The following SMAD9 variants were observed in gnomAD, a reference collection of about 807,000 sequenced individuals.
SMAD9 encodes the protein SMAD family member 9.
SMAD9 carries 36 observed loss-of-function variants against 46.1 expected under a neutral mutation model. The ratio of observed to expected loss-of-function variants is 0.78; its 90% CI spans 0.60 to 1.03. The LOEUF is 1.03. Among genes scored for constraint, SMAD9 ranks in the 50% least tolerant of loss-of-function variants. The pLI is 0.00. For synonymous variants in SMAD9, 245 were observed against 237.1 expected (o/e 1.03, Z -0.31); for missense variants, 572 against 599.8 (o/e 0.95, Z 0.48).
At chr13:36,917,825 G>A (rs536558470) in intron 1 of SMAD9, among the ~76,000 whole-genome samples, 8 of 152,268 alleles carry the variant, frequency 5.3e-5, no homozygotes, top group African/African-American at 1.9e-4. Flanking sequence ...GCTCACTTAC[G>A]AAACACCATC....
intron 1 of SMAD9, among the ~76,000 whole-genome samples, chr13:36,885,720 TC>T (rs1275927402): frequency 6.6e-6 from 1 of 151,730 alleles, no homozygotes; most frequent in Non-Finnish European, 1.5e-5. Flanking sequence ...GTAGAGAGAT[TC>T]CAAGGCATCT....
At chr13:36,884,802 G>T (rs2058431495) in intron 1 of SMAD9, among the ~76,000 whole-genome samples, 1 of 152,146 alleles carries the variant, frequency 6.6e-6, no homozygotes, top group African/African-American at 2.4e-5. Flanking sequence ...GTTTGAGATG[G>T]AGCATTCCTA....
chr13:36,881,040 C>T (rs1356452383), intron 1 of SMAD9, among the ~76,000 whole-genome samples: 1 of 152,184 alleles, frequency 6.6e-6, no homozygotes, highest in East Asian at 1.9e-4. Context: ...TACACTATCA[C>T]ACACCAATAC....
At chr13:36,909,203 C>G (rs958223098) in intron 1 of SMAD9, among the ~76,000 whole-genome samples, 3 of 152,178 alleles carry the variant, frequency 2.0e-5, no homozygotes, top group Non-Finnish European at 2.9e-5. Flanking sequence ...GACAGAACCA[C>G]TATTCCATTG....
chr13:36,897,753 A>T (rs549278526), intron 1 of SMAD9, among the ~76,000 whole-genome samples: 1 of 151,884 alleles, frequency 6.6e-6, no homozygotes, highest in Non-Finnish European at 1.5e-5. Flanking sequence ...ATTTTCAGTT[A>T]TAATTGCTCA....
intron 1 of SMAD9, among the ~76,000 whole-genome samples, chr13:36,888,616 C>CA (rs1295564272): frequency 6.6e-6 from 1 of 152,040 alleles, no homozygotes; most frequent in African/African-American, 2.4e-5. Context: ...ATAACAGATG[C>CA]AAAAATATCA....
chr13:36,906,168 A>G (rs1259384883), intron 1 of SMAD9, among the ~76,000 whole-genome samples: 1 of 152,204 alleles, frequency 6.6e-6, no homozygotes, highest in Non-Finnish European at 1.5e-5. Flanking sequence ...TGTGTCATTG[A>G]ATGTTATATC....
chr13:36,907,785 C>T (rs10507443), intron 1 of SMAD9, among the ~76,000 whole-genome samples: 6,744 of 152,274 alleles, frequency 0.044, 359 homozygotes, highest in East Asian at 0.18. Context: ...TCACTACCTT[C>T]AAGGGATTTT....
intron 1 of SMAD9, among the ~76,000 whole-genome samples, chr13:36,901,979 G>T (rs1009730151): frequency 6.6e-6 from 1 of 152,020 alleles, no homozygotes; most frequent in Non-Finnish European, 1.5e-5. Flanking sequence ...TATGTCATTT[G>T]ATGCATGCAA....
rs574741770 is a variant in SMAD9, at chr13:36,897,849, CT to C, written c.-186-17975del. Among the ~76,000 whole-genome samples the C allele has an allele frequency of 9.9e-3, 893 of 90,012 alleles. 3 individuals carry two copies. Among genetic ancestry groups the C allele is most frequent in the East Asian group, 0.024 (67 of 2,824 alleles). The allele number at this position is 90,012 out of a possible 152,430, so 59.1% of individuals were successfully genotyped here. On this transcript the variant is annotated intron_variant, in intron 1 of 6. Transcript: ENST00000379826. ...CCAAGGTAACAGAAATGTCCTGTGT[CT>C]TTTTTTTTTTTTTTTTTTTTTTTTG...
chr13:36,914,641 T>G (rs1043596151), intron 1 of SMAD9, among the ~76,000 whole-genome samples: 1 of 152,242 alleles, frequency 6.6e-6, no homozygotes, highest in African/African-American at 2.4e-5. Context: ...GATGAATTCA[T>G]GAACTTATGA....
intron 1 of SMAD9, among the ~76,000 whole-genome samples, chr13:36,910,864 T>A (rs2058655667): frequency 6.6e-6 from 1 of 152,236 alleles, no homozygotes; most frequent in African/African-American, 2.4e-5. Context: ...TCTCCAGAGA[T>A]GCCTAGCCTT....
chr13:36,918,457 C>T (rs9531995), intron 1 of SMAD9, among the ~76,000 whole-genome samples: 13,562 of 152,264 alleles, frequency 0.089, 809 homozygotes, highest in Non-Finnish European at 0.13. Flanking sequence ...AGGCCGAAGG[C>T]TGTCTGGCAG....
intron 1 of SMAD9, 63 bp from the exon 2 acceptor site, chr13:36,879,938 T>TTAA: frequency 1.9e-6 from 1 of 540,518 alleles, no homozygotes. Flanking sequence ...AAGTTGAAGT[T>TTAA]GGATAGAAAG....
At position 36,865,569 on chromosome 13, in the gene SMAD9, G is replaced by A. The variant is rs752874017; in HGVS notation, c.971C>T (p.Thr324Met). Reference sequence around the variant, plus strand: ...TATATGTCTCCTGGTATTTTCTATCGTTGAGTTTCTGTTTACATTAGAAAG... The same window carrying A: ...TATATGTCTCCTGGTATTTTCTATCATTGAGTTTCTGTTTACATTAGAAAG... ...GLLSNVNRNSTIENTRRHIGK... is the reference protein window; with the variant it reads ...GLLSNVNRNSMIENTRRHIGK... The change falls in exon 5 of 7, where the codon ACG (threonine) becomes ATG (methionine). Residue 324 changes from threonine to methionine, a missense_variant. Transcript: ENST00000379826. 6.4e-5 allele frequency: 103 copies of A among 1,613,710 alleles called. No individual in the cohort carries two copies. The highest frequency in any genetic ancestry group is 8.3e-5 in the Non-Finnish European group (98 of 1,179,828).
At chr13:36,886,291 G>A (rs2058443961) in intron 1 of SMAD9, among the ~76,000 whole-genome samples, 1 of 152,230 alleles carries the variant, frequency 6.6e-6, no homozygotes, top group Non-Finnish European at 1.5e-5. Context: ...CCACATGGGT[G>A]CGTCCCCTGA....
chr13:36,870,280 A>C (rs910759804), intron 3 of SMAD9, among the ~76,000 whole-genome samples: 1 of 152,166 alleles, frequency 6.6e-6, no homozygotes, highest in Non-Finnish European at 1.5e-5. Flanking sequence ...TATATTTTGC[A>C]ACACTATTAT....
Position 36,846,537 on chromosome 13 carries a change from C to T in SMAD9, c.*2139G>A, listed in dbSNP as rs1196039792. On this transcript the variant is annotated 3_prime_UTR_variant, in exon 7 of 7. Transcript: ENST00000379826. The stretch of plus-strand genomic sequence containing the variant: ...AGTTAGATAGCTGGTAGAGAGATCA[C>T]GAAAGCTATGTTTGATCTCTGGAGC... The T allele has an allele frequency of 6.8e-6, 1 of 148,092 alleles. No homozygotes were observed. The highest frequency in any genetic ancestry group is 2.5e-5 in the African/African-American group (1 of 40,142). 9.2% of individuals were successfully genotyped at this position (148,092 alleles called of 1,614,324 possible).
At position 36,893,567 on chromosome 13, in the gene SMAD9, G is replaced by A. The variant is rs1174434867; in HGVS notation, c.-186-13692C>T. 6.0e-5 allele frequency among the ~76,000 whole-genome samples: 9 copies of A among 151,024 alleles called. No individual in the cohort carries two copies. In the East Asian group the frequency reaches 9.6e-4, roughly 16 times the overall value. On this transcript the variant is annotated intron_variant, in intron 1 of 6. Coordinates refer to ENST00000379826, the MANE Select transcript of SMAD9 (RefSeq NM_001127217.3). ...ATCGACTAGAGGATGAATAAATGACGAAATAATCTTACAATTGAATTTCAT... is the reference window on the plus strand; with the variant it reads ...ATCGACTAGAGGATGAATAAATGACAAAATAATCTTACAATTGAATTTCAT...
Sources: gnomAD v4.1 joint callset for allele counts (sites outside exome capture counted in the v4.1 genomes callset) on GRCh38, gnomAD v4.1.1 for gene constraint, MANE v1.5 for transcripts, NCBI Gene and HGNC (gene_info 2026-07-23, HGNC 2026-07-21) for gene names.